The following ZNF618 variants were observed in gnomAD, a reference collection of about 807,000 sequenced individuals.
ZNF618 encodes neural precursor cell expressed, developmentally down-regulated 10.
Under a neutral mutation model 103.0 loss-of-function variants are expected in ZNF618, and 34 were observed. That is an observed-to-expected ratio of 0.33 (90% CI 0.25 to 0.44). The LOEUF is 0.44. Among genes scored for constraint, ZNF618 ranks in the 20% least tolerant of loss-of-function variants. The pLI, the probability that ZNF618 is intolerant of heterozygous loss-of-function variation, is 1.00. For synonymous variants in ZNF618, 551 were observed against 542.2 expected (o/e 1.02, Z -0.23); for missense variants, 1,059 against 1,295.4 (o/e 0.82, Z 2.80).
intron 1 of ZNF618, among the ~76,000 whole-genome samples, chr9:113,940,776 T>C (rs1272570072): frequency 6.6e-6 from 1 of 152,316 alleles, no homozygotes; most frequent in East Asian, 1.9e-4. Context: ...TCGTCATTGA[T>C]AACATCTGGC....
At chr9:113,904,709 C>T (rs1830835618) in intron 1 of ZNF618, among the ~76,000 whole-genome samples, 1 of 152,150 alleles carries the variant, frequency 6.6e-6, no homozygotes. Flanking sequence ...GTTCTAGAAG[C>T]CCTAGGGGAG....
chr9:113,919,539 T>C (rs759016150), intron 1 of ZNF618, among the ~76,000 whole-genome samples: 2 of 152,230 alleles, frequency 1.3e-5, no homozygotes, highest in Non-Finnish European at 2.9e-5. Flanking sequence ...CAGGCTGTTA[T>C]GCCAGGAGCG....
chr9:114,046,664 G>A (rs138941765), intron 13 of ZNF618, among the ~76,000 whole-genome samples: 20 of 152,228 alleles, frequency 1.3e-4, no homozygotes, highest in African/African-American at 4.1e-4. Flanking sequence ...CATGATGTTC[G>A]CTGTGGGGGT....
intron 9 of ZNF618, among the ~76,000 whole-genome samples, chr9:114,009,336 C>T (rs959643424): frequency 3.3e-5 from 5 of 152,116 alleles, no homozygotes; most frequent in Admixed American, 2.6e-4. Context: ...CTGCTGGTCC[C>T]GAAAATCGAT....
intron 1 of ZNF618, among the ~76,000 whole-genome samples, chr9:113,887,347 A>G (rs1829172338): frequency 6.6e-6 from 1 of 152,232 alleles, no homozygotes; most frequent in African/African-American, 2.4e-5. Flanking sequence ...CCCTCCCCTA[A>G]ACATTAGTTG....
At chr9:114,031,539 G>A (rs1197553737) in intron 11 of ZNF618, among the ~76,000 whole-genome samples, 4 of 152,172 alleles carry the variant, frequency 2.6e-5, no homozygotes, top group Admixed American at 6.5e-5. Context: ...TTGCTCTTCC[G>A]GAGCAGGGTG....
chr9:113,959,248 T>C (rs1449299670), intron 1 of ZNF618, among the ~76,000 whole-genome samples: 1 of 151,846 alleles, frequency 6.6e-6, no homozygotes, highest in Non-Finnish European at 1.5e-5. Flanking sequence ...GATTGCGCCA[T>C]TGCACTCCAG....
intron 1 of ZNF618, among the ~76,000 whole-genome samples, chr9:113,919,248 G>C (rs531638038): frequency 6.6e-6 from 1 of 152,300 alleles, no homozygotes; most frequent in East Asian, 1.9e-4. Context: ...TTGAACAGCA[G>C]CCGCGGCAGG....
At chr9:113,995,463 T>C (rs1840479933) in intron 3 of ZNF618, among the ~76,000 whole-genome samples, 1 of 152,260 alleles carries the variant, frequency 6.6e-6, no homozygotes, top group Non-Finnish European at 1.5e-5. Context: ...ATATTTCTTA[T>C]TGCTAGAAGG....
intron 1 of ZNF618, among the ~76,000 whole-genome samples, chr9:113,893,337 G>A (rs183106567): frequency 1.1e-3 from 166 of 152,246 alleles, no homozygotes; most frequent in African/African-American, 3.5e-3. Context: ...GATAGTTGTG[G>A]CTTATCTGAA....
chr9:114,007,073 A>C (rs1841814972), intron 6 of ZNF618, among the ~76,000 whole-genome samples: 1 of 152,186 alleles, frequency 6.6e-6, no homozygotes, highest in Admixed American at 6.5e-5. Flanking sequence ...GTCCAGACTC[A>C]CAGGGAAGGG....
At position 114,002,616 on chromosome 9, in the gene ZNF618, CTT is replaced by C; in HGVS notation, c.512-6_512-5del. 1.9e-6 allele frequency: 3 copies of C among 1,610,078 alleles called. No homozygotes were observed. Among genetic ancestry groups the C allele is most frequent in the East Asian group, 2.2e-5 (1 of 44,834 alleles). ...CCCACCCCCATCCCTCTCTCTCTCT[CTT>C]TGCAGACACCGAAGCCACCTCAGGG... On this transcript the variant is annotated splice_polypyrimidine_tract_variant and splice_region_variant and intron_variant, in intron 5 of 14. Transcript: ENST00000374126.
chr9:114,037,477 T>G (rs770651174), intron 13 of ZNF618, among the ~76,000 whole-genome samples: 4 of 152,178 alleles, frequency 2.6e-5, no homozygotes, highest in Non-Finnish European at 5.9e-5. Flanking sequence ...AGTTGGCCAC[T>G]CTGCAAAGGG....
intron 13 of ZNF618, among the ~76,000 whole-genome samples, chr9:114,042,206 A>G (rs766015521): frequency 3.9e-5 from 6 of 152,230 alleles, no homozygotes; most frequent in Non-Finnish European, 5.9e-5. Flanking sequence ...CCATAATTTC[A>G]CTATTCAAAG....
chr9:113,947,815 T>A (rs1312157481), intron 1 of ZNF618, among the ~76,000 whole-genome samples: 1 of 152,218 alleles, frequency 6.6e-6, no homozygotes, highest in African/African-American at 2.4e-5. Context: ...TCTATTGTTG[T>A]GTTTTATTGG....
intron 1 of ZNF618, among the ~76,000 whole-genome samples, chr9:113,957,329 T>A (rs920744917): frequency 6.6e-6 from 1 of 152,138 alleles, no homozygotes; most frequent in Non-Finnish European, 1.5e-5. Context: ...CTATTTTACA[T>A]CAGAGGAAAC....
intron 13 of ZNF618, among the ~76,000 whole-genome samples, chr9:114,038,535 G>A (rs532584877): frequency 6.6e-6 from 1 of 152,228 alleles, no homozygotes; most frequent in Non-Finnish European, 1.5e-5. Context: ...TCACAGCGCC[G>A]ACGATAAGGA....
At chr9:113,984,759 C>G (rs1183643009) in intron 2 of ZNF618, among the ~76,000 whole-genome samples, 1 of 152,234 alleles carries the variant, frequency 6.6e-6, no homozygotes, top group Non-Finnish European at 1.5e-5. Context: ...TGACCATTAG[C>G]ACCCATGAGG....
At chr9:113,931,562 GT>G (rs1446766405) in intron 1 of ZNF618, among the ~76,000 whole-genome samples, 1 of 152,154 alleles carries the variant, frequency 6.6e-6, no homozygotes, top group Non-Finnish European at 1.5e-5. Context: ...GAAGGTTTAG[GT>G]GTGGGAAGGA....
Sources: gnomAD v4.1 joint callset for allele counts (sites outside exome capture counted in the v4.1 genomes callset) on GRCh38, gnomAD v4.1.1 for gene constraint, MANE v1.5 for transcripts, NCBI Gene and HGNC (gene_info 2026-07-23, HGNC 2026-07-21) for gene names.